UIMC1: variants seen among roughly 807,000 people sequenced by gnomAD.
UIMC1 encodes the protein BRCA1-A complex subunit RAP80.
Under a neutral mutation model 84.9 loss-of-function variants are expected in UIMC1, and 42 were observed. The ratio of observed to expected loss-of-function variants is 0.49; its 90% CI spans 0.39 to 0.64. UIMC1 has a LOEUF of 0.64. Among genes scored for constraint, UIMC1 ranks in the 30% least tolerant of loss-of-function variants. The pLI is 0.00. For synonymous variants in UIMC1, 281 were observed against 293.0 expected (o/e 0.96, Z 0.42); for missense variants, 825 against 847.6 (o/e 0.97, Z 0.33).
chr5:176,985,641 GT>G (rs1291050773), intron 1 of UIMC1, among the ~76,000 whole-genome samples: 1 of 151,886 alleles, frequency 6.6e-6, no homozygotes, highest in Non-Finnish European at 1.5e-5. Context: ...GTCTCGCTCT[GT>G]CACCCAGGCT....
chr5:176,950,484 C>T lies in UIMC1; in HGVS notation c.1443+990G>A, dbSNP rs376927031. On this transcript the variant is annotated intron_variant, in intron 9 of 14. Transcript: ENST00000511320. ...TTTATTTCTACTGAGGAATTTGGCT[C>T]TCAGGTTGCTTGTGACAGCAACAGA... is the stretch of plus-strand genomic sequence containing the variant. Among the ~76,000 whole-genome samples the T allele has an allele frequency of 2.8e-4, 43 of 152,192 alleles. No homozygotes were observed. The South Asian group carries it at 8.1e-3, about 29-fold the overall frequency.
intron 1 of UIMC1, among the ~76,000 whole-genome samples, chr5:176,985,036 TC>T (rs1771750464): frequency 6.6e-6 from 1 of 151,888 alleles, no homozygotes; most frequent in Non-Finnish European, 1.5e-5. Flanking sequence ...TCCACTATTA[TC>T]CTATGACCCT....
intron 6 of UIMC1, among the ~76,000 whole-genome samples, chr5:176,963,155 A>AC (rs1162520632): frequency 9.2e-5 from 1 of 10,888 alleles, no homozygotes; most frequent in Non-Finnish European, 1.3e-4. Context: ...AAAAAAATAA[A>AC]TTAAAAAAAA....
chr5:177,002,480 AATG>A (rs1274467900), intron 1 of UIMC1, among the ~76,000 whole-genome samples: 1 of 152,086 alleles, frequency 6.6e-6, no homozygotes, highest in African/African-American at 2.4e-5. Flanking sequence ...ACTGTATATA[AATG>A]ATATCTTAAT....
intron 1 of UIMC1, among the ~76,000 whole-genome samples, chr5:176,984,067 C>T (rs1268542817): frequency 8.1e-5 from 11 of 136,114 alleles, no homozygotes; most frequent in African/African-American, 2.9e-4. Context: ...AGTGCCTCTG[C>T]CCGGCCGCCC....
chr5:176,954,581 A>G (rs773371553), intron 8 of UIMC1, among the ~76,000 whole-genome samples: 11 of 151,790 alleles, frequency 7.2e-5, no homozygotes, highest in Non-Finnish European at 1.6e-4. Context: ...CTAAAAAAAA[A>G]TAATAATAAT....
Position 176,905,160 on chromosome 5 carries a change from T to TG in UIMC1, c.*121dup. The TG allele has an allele frequency of 2.2e-6, 2 of 916,194 alleles. No homozygotes were observed. Among genetic ancestry groups the TG allele is most frequent in the Non-Finnish European group, 3.3e-6 (2 of 608,300 alleles). 56.8% of individuals were successfully genotyped at this position (916,194 alleles called of 1,614,324 possible). ...CATAAAAACCAGAATGCTGGGTAGG[T>TG]GCTGGTGGTGAAAACTGCAGGGCTA... On this transcript the variant is annotated 3_prime_UTR_variant, in exon 15 of 15. Coordinates refer to ENST00000511320, the MANE Select transcript of UIMC1 (RefSeq NM_001199298.2).
intron 1 of UIMC1, among the ~76,000 whole-genome samples, chr5:177,011,861 C>T (rs1265994858): frequency 6.6e-6 from 1 of 151,340 alleles, no homozygotes; most frequent in Non-Finnish European, 1.5e-5. Context: ...AGTGCAGTGG[C>T]ACAATCTCAG....
chr5:176,984,804 G>A (rs867029465), intron 1 of UIMC1, among the ~76,000 whole-genome samples: 5 of 152,160 alleles, frequency 3.3e-5, no homozygotes, highest in Non-Finnish European at 4.4e-5. Flanking sequence ...CCAACCCCGT[G>A]CTCTCTGAAA....
chr5:176,964,606 T>C (rs562082170), intron 6 of UIMC1, among the ~76,000 whole-genome samples: 1 of 152,306 alleles, frequency 6.6e-6, no homozygotes, highest in Non-Finnish European at 1.5e-5. Context: ...GTGAAATATA[T>C]AATTTAACAT....
intron 10 of UIMC1, among the ~76,000 whole-genome samples, chr5:176,939,631 G>A (rs1272755070): frequency 6.6e-6 from 1 of 152,088 alleles, no homozygotes; most frequent in Non-Finnish European, 1.5e-5. Flanking sequence ...GTGTGTAGTA[G>A]ACTACACCAT....
intron 9 of UIMC1, among the ~76,000 whole-genome samples, chr5:176,945,620 T>C (rs950352904): frequency 5.3e-5 from 8 of 152,168 alleles, no homozygotes; most frequent in African/African-American, 1.9e-4. Context: ...GCTCTGGGAA[T>C]GGAATGCGAC....
At chr5:176,980,354 ATCCG>A (rs1770833645) in intron 2 of UIMC1, 1 of 152,000 alleles carries the variant, frequency 6.6e-6, no homozygotes, top group Non-Finnish European at 1.5e-5. Flanking sequence ...CCATCCATCC[ATCCG>A]CCTATCCTAT....
chr5:176,920,115 G>A (rs568597706), intron 10 of UIMC1, among the ~76,000 whole-genome samples: 263 of 152,224 alleles, frequency 1.7e-3, no homozygotes, highest in African/African-American at 5.7e-3. Flanking sequence ...TCCGCCTCCT[G>A]GGTTCAAGTG....
chr5:176,938,008 T>C (rs1763915531), intron 10 of UIMC1, among the ~76,000 whole-genome samples: 1 of 151,692 alleles, frequency 6.6e-6, no homozygotes, highest in Admixed American at 6.6e-5. Flanking sequence ...CTAAGCAGCA[T>C]AAAAAGACTC....
chr5:176,905,192 G>T lies in UIMC1; in HGVS notation c.*90C>A. On this transcript the variant is annotated 3_prime_UTR_variant, in exon 15 of 15. Coordinates refer to ENST00000511320, the MANE Select transcript of UIMC1 (RefSeq NM_001199298.2). ...GGTGAAAACTGCAGGGCTAAAACTT[G>T]CTCAACAATGAACTAGGGACCACTA... The T allele has an allele frequency of 7.1e-7, 1 of 1,408,880 alleles. No individual in the cohort carries two copies. Among genetic ancestry groups the T allele is most frequent in the Middle Eastern group, 2.0e-4 (1 of 5,078 alleles). The allele number at this position is 1,408,880 out of a possible 1,614,324, so 87.3% of individuals were successfully genotyped here.
chr5:176,942,515 G>C (rs1764556404), intron 10 of UIMC1, among the ~76,000 whole-genome samples: 1 of 151,948 alleles, frequency 6.6e-6, no homozygotes, highest in Non-Finnish European at 1.5e-5. Flanking sequence ...GGCCGAGGCA[G>C]GTGGATCACG....
rs750563090 is a variant in UIMC1, at chr5:176,908,583, C to T, written c.1788G>A (p.Gly596=). ...CCACAGTTGAACATGCTCTTCCACT[C>T]CCTTCAGGTCCATCTCCTTGGTCAG... ...AKADQGDGPE[G]SGRACSTVEG... Residue 596 remains glycine (G), a synonymous_variant, in exon 12 of 15, where the codon GGG becomes GGA. Coordinates refer to ENST00000511320, the MANE Select transcript of UIMC1 (RefSeq NM_001199298.2). The T allele has an allele frequency of 9.9e-6, 16 of 1,614,166 alleles. No homozygotes were observed. Among genetic ancestry groups the T allele is most frequent in the Non-Finnish European group, 5.1e-6 (6 of 1,180,020 alleles).
chr5:177,020,763 T>C lies in UIMC1; in HGVS notation c.-9+1701A>G, dbSNP rs562424495. ...ACTTTCTTATTGTACTCTCCTCCAC[T>C]ACAATAAAAAATACTTTACTACAGC... On this transcript the variant is annotated intron_variant, in intron 1 of 5. Transcript: ENST00000509236. Among the ~76,000 whole-genome samples, 136 of 152,280 alleles carry C rather than the reference T, an allele frequency of 8.9e-4. 1 individual carries two copies. In the Middle Eastern group the frequency reaches 0.014, roughly 15 times the overall value.
Sources: allele counts gnomAD v4.1 joint callset (sites outside exome capture counted in the v4.1 genomes callset), GRCh38; gene constraint gnomAD v4.1.1; transcripts MANE v1.5; gene names NCBI Gene and HGNC (gene_info 2026-07-23, HGNC 2026-07-21).